Variants in COG3 observed in about 807,000 individuals in gnomAD.
COG3 encodes conserved oligomeric Golgi complex subunit 3.
In COG3, 32 loss-of-function variants were observed where a neutral mutation model predicts 114.1. That is an observed-to-expected ratio of 0.28 (90% CI 0.21 to 0.38). COG3 has a LOEUF of 0.38. Among genes scored for constraint, COG3 ranks in the 10% least tolerant of loss-of-function variants. The pLI is 1.00. For synonymous variants in COG3, 352 were observed against 365.7 expected (o/e 0.96, Z 0.43); for missense variants, 813 against 973.2 (o/e 0.84, Z 2.19).
rs564534853 is a variant in COG3 at position 45,488,727 on chromosome 13, A to G, written c.924+2152A>G. Among the ~76,000 whole-genome samples the G allele has an allele frequency of 1.2e-4, 18 of 152,268 alleles. No homozygotes were observed. In the South Asian group the frequency reaches 3.5e-3, roughly 30 times the overall value. Reference sequence around the variant, plus strand: ...GTATTTATTTGGATTAACTGATAGCATGGAGGGGGCAAAGATCAATATATG... The same window carrying G: ...GTATTTATTTGGATTAACTGATAGCGTGGAGGGGGCAAAGATCAATATATG... On this transcript the variant is annotated intron_variant, in intron 8 of 22. Transcript: ENST00000349995.
chr13:45,471,977 C>T (rs1359494661), intron 1 of COG3, among the ~76,000 whole-genome samples: 1 of 152,176 alleles, frequency 6.6e-6, no homozygotes, highest in Non-Finnish European at 1.5e-5. Context: ...AGGTGATCCA[C>T]CTGCCTCGGC....
chr13:45,522,454 G>T (rs1175127133), intron 19 of COG3, among the ~76,000 whole-genome samples: 1 of 152,156 alleles, frequency 6.6e-6, no homozygotes, highest in Non-Finnish European at 1.5e-5. Context: ...GAGACACTTT[G>T]TATGCATTAA....
At chr13:45,472,032 G>T (rs996216642) in intron 1 of COG3, among the ~76,000 whole-genome samples, 6 of 151,998 alleles carry the variant, frequency 3.9e-5, no homozygotes, top group Non-Finnish European at 1.5e-5. Flanking sequence ...CACACCTGGC[G>T]CTTTTGTTTG....
intron 20 of COG3, among the ~76,000 whole-genome samples, chr13:45,528,727 T>C (rs986391260): frequency 7.2e-5 from 11 of 152,212 alleles, no homozygotes; most frequent in African/African-American, 2.7e-4. Context: ...GTATAGCATA[T>C]CCAACTTGAT....
At chr13:45,531,047 G>C in intron 22 of COG3, 1 of 1,045,474 alleles carries the variant, frequency 9.6e-7, no homozygotes, top group Non-Finnish European at 1.2e-6. Context: ...TGACCTGTTT[G>C]TAAAAGACTC....
At chr13:45,482,733 A>G (rs1886326523) in intron 6 of COG3, among the ~76,000 whole-genome samples, 1 of 152,232 alleles carries the variant, frequency 6.6e-6, no homozygotes, top group African/African-American at 2.4e-5. Flanking sequence ...CTGGAATGGA[A>G]CACATCCTGG....
chr13:45,516,228 T>C lies in COG3; in HGVS notation c.1895T>C (p.Ile632Thr). 1 of 1,595,072 alleles carries C rather than the reference T, an allele frequency of 6.3e-7. No homozygotes were observed. The highest frequency in any genetic ancestry group is 8.6e-7 in the Non-Finnish European group (1 of 1,167,878). Residue 632 changes from isoleucine to threonine, a missense_variant, in exon 17 of 23, where the codon ATT becomes ACT. This residue lies in a region of COG3 where 389 missense variants were observed against 542.6 expected (regional missense o/e 0.72). Transcript: ENST00000349995. Reference sequence around the variant, plus strand: ...GCTCCATTTCACACTGAATTCACCATTAAGGAAATTTCCCTGGACCTCAAG... The same window carrying C: ...GCTCCATTTCACACTGAATTCACCACTAAGGAAATTTCCCTGGACCTCAAG... ...QIAPFHTEFT[I>T]KEISLDLKKT...
At chr13:45,528,364 G>A (rs369372563) in intron 20 of COG3, among the ~76,000 whole-genome samples, 2 of 152,034 alleles carry the variant, frequency 1.3e-5, no homozygotes, top group Non-Finnish European at 2.9e-5. Context: ...GGACTCGCCT[G>A]TATTCTTTCT....
intron 13 of COG3, among the ~76,000 whole-genome samples, chr13:45,499,764 G>A (rs1593713504): frequency 6.6e-6 from 1 of 152,308 alleles, no homozygotes; most frequent in East Asian, 1.9e-4. Context: ...GCTTGCGCCT[G>A]TAATACTAGC....
intron 11 of COG3, among the ~76,000 whole-genome samples, chr13:45,492,746 GGAAGA>G (rs1341215155): frequency 6.6e-6 from 1 of 152,128 alleles, no homozygotes; most frequent in Non-Finnish European, 1.5e-5. Flanking sequence ...CTTGTAATGA[GGAAGA>G]GAAAAGTATT....
At chr13:45,478,179 A>G (rs1034409744) in intron 2 of COG3, among the ~76,000 whole-genome samples, 1 of 143,144 alleles carries the variant, frequency 7.0e-6, no homozygotes, top group African/African-American at 2.5e-5. Context: ...TTCAATCCTT[A>G]AGACATCTGA....
chr13:45,471,067 C>T (rs1386212203), intron 1 of COG3, among the ~76,000 whole-genome samples: 1 of 152,090 alleles, frequency 6.6e-6, no homozygotes, highest in South Asian at 2.1e-4. Context: ...CACAGCCTAC[C>T]TCTAAATATT....
intron 22 of COG3, among the ~76,000 whole-genome samples, chr13:45,532,631 G>A (rs1024428573): frequency 1.1e-4 from 15 of 139,334 alleles, no homozygotes; most frequent in South Asian, 2.3e-4. Flanking sequence ...GTGCAGTGGC[G>A]TGATCTCGGC....
At chr13:45,517,966 CAG>C (rs1253451652) in intron 17 of COG3, among the ~76,000 whole-genome samples, 3 of 152,144 alleles carry the variant, frequency 2.0e-5, no homozygotes, top group African/African-American at 7.2e-5. Flanking sequence ...TCTGTGCAGA[CAG>C]AATCTTTGAG....
intron 20 of COG3, among the ~76,000 whole-genome samples, chr13:45,528,301 C>T (rs1872867932): frequency 6.6e-6 from 1 of 152,032 alleles, no homozygotes; most frequent in African/African-American, 2.4e-5. Flanking sequence ...TACGGAGTAC[C>T]TACTCTTTCA....
intron 12 of COG3, among the ~76,000 whole-genome samples, chr13:45,495,854 G>A (rs1006986498): frequency 6.6e-6 from 1 of 152,060 alleles, no homozygotes; most frequent in African/African-American, 2.4e-5. Context: ...CTTAGGCTTG[G>A]TCTGAAGCTA....
At chr13:45,512,798 A>G (rs1871015129) in intron 16 of COG3, among the ~76,000 whole-genome samples, 1 of 150,996 alleles carries the variant, frequency 6.6e-6, no homozygotes. Context: ...TATTTTTTGT[A>G]GAGACAGGAT....
chr13:45,470,676 T>C (rs1885418113), intron 1 of COG3, among the ~76,000 whole-genome samples: 1 of 152,256 alleles, frequency 6.6e-6, no homozygotes, highest in African/African-American at 2.4e-5. Context: ...GATTTTGACA[T>C]TGATCTACAT....
rs1242517110 is a variant in COG3, at chr13:45,497,784, TCAACAA to T, written c.1488+1503_1488+1508del. ...CTGGGTGACAGAGCCAGACCCTGTC[TCAACAA>T]CAACAACAACAACAACAACAACAAC... is the stretch of plus-strand genomic sequence containing the variant. On this transcript the variant is annotated intron_variant, in intron 13 of 22. Transcript: ENST00000349995. 3.1e-4 allele frequency among the ~76,000 whole-genome samples: 45 copies of T among 147,248 alleles called. 1 individual carries two copies. The highest frequency in any genetic ancestry group is 2.0e-3 in the East Asian group (10 of 5,020).
Sources: gnomAD v4.1 joint callset for allele counts (sites outside exome capture counted in the v4.1 genomes callset) on GRCh38, gnomAD v4.1.1 for gene constraint, gnomAD v4.1.1 regional missense constraint, MANE v1.5 for transcripts, NCBI Gene and HGNC (gene_info 2026-07-23, HGNC 2026-07-21) for gene names.